ESR1: variants seen among roughly 807,000 people sequenced by gnomAD.
ESR1 encodes the protein estrogen receptor 1.
Under a neutral mutation model 52.7 loss-of-function variants are expected in ESR1, and 12 were observed. The ratio of observed to expected loss-of-function variants is 0.23; its 90% CI spans 0.15 to 0.37. The LOEUF (loss-of-function observed/expected upper bound fraction) is 0.37. ESR1 is among the 10% of genes least tolerant of loss of function. The pLI is 1.00. For synonymous variants in ESR1, 305 were observed against 316.8 expected (o/e 0.96, Z 0.39); for missense variants, 584 against 779.7 (o/e 0.75, Z 2.99).
upstream of ESR1, among the ~76,000 whole-genome samples, chr6:151,806,489 G>A (rs1263352430): frequency 7.3e-6 from 1 of 137,596 alleles, no homozygotes; most frequent in Non-Finnish European, 1.5e-5. Flanking sequence ...CAAGATTATA[G>A]ACGCATGATA....
chr6:151,751,583 G>T (rs9918437), intron 2 of ESR1, among the ~76,000 whole-genome samples: 13,950 of 152,150 alleles, frequency 0.092, 737 homozygotes, highest in African/African-American at 0.13. Flanking sequence ...AGAAATTTAG[G>T]GGGGAAAAAT....
chr6:152,111,803 C>T (rs923611374), intron 6 of ESR1, among the ~76,000 whole-genome samples: 3 of 152,096 alleles, frequency 2.0e-5, no homozygotes, highest in African/African-American at 7.2e-5. Context: ...AGGCGCAGAC[C>T]AGTTTTGGGG....
intron 5 of ESR1, among the ~76,000 whole-genome samples, chr6:152,012,231 G>A (rs553133943): frequency 6.6e-6 from 1 of 151,956 alleles, no homozygotes; most frequent in South Asian, 2.1e-4. Context: ...GTAAAATGAA[G>A]AAATTTGACC....
chr6:152,032,123 T>C (rs916937418), intron 5 of ESR1, among the ~76,000 whole-genome samples: 2 of 152,152 alleles, frequency 1.3e-5, no homozygotes, highest in Non-Finnish European at 2.9e-5. Flanking sequence ...ATAAATTAGG[T>C]ATTGATGGGA....
intron 4 of ESR1, among the ~76,000 whole-genome samples, chr6:151,990,742 G>A (rs2040929419): frequency 1.3e-5 from 2 of 152,096 alleles, no homozygotes; most frequent in Admixed American, 6.6e-5. Context: ...ACACAATAAC[G>A]AAATGACGTC....
chr6:151,955,564 A>G (rs990591114), intron 4 of ESR1, among the ~76,000 whole-genome samples: 2 of 152,218 alleles, frequency 1.3e-5, no homozygotes, highest in Non-Finnish European at 2.9e-5. Flanking sequence ...ACACATTGCA[A>G]GAAGATAAAT....
intron 2 of ESR1, among the ~76,000 whole-genome samples, chr6:151,745,581 C>T (rs1783422290): frequency 6.6e-6 from 1 of 152,050 alleles, no homozygotes; most frequent in Non-Finnish European, 1.5e-5. Flanking sequence ...AATAATCAAC[C>T]ATCCACCATC....
chr6:151,899,657 T>G (rs1403463771), intron 3 of ESR1, among the ~76,000 whole-genome samples: 8 of 141,130 alleles, frequency 5.7e-5, no homozygotes, highest in East Asian at 2.2e-4. Context: ...GCTGCCGGGC[T>G]GAGGGGCTCC....
At chr6:151,663,136 T>C (rs1777697284) in intron 1 of ESR1, among the ~76,000 whole-genome samples, 1 of 152,236 alleles carries the variant, frequency 6.6e-6, no homozygotes, top group Non-Finnish European at 1.5e-5. Flanking sequence ...TTCTTTTTGG[T>C]GATTATTTAA....
intron 2 of ESR1, among the ~76,000 whole-genome samples, chr6:151,754,959 C>T (rs1784169662): frequency 6.6e-6 from 1 of 152,194 alleles, no homozygotes; most frequent in South Asian, 2.1e-4. Context: ...CGCCTGTAAT[C>T]CCAGCACTTT....
At chr6:152,026,835 T>C (rs1032802015) in intron 5 of ESR1, among the ~76,000 whole-genome samples, 1 of 152,186 alleles carries the variant, frequency 6.6e-6, no homozygotes, top group Non-Finnish European at 1.5e-5. Context: ...TAACGCAGTG[T>C]TAAACTTTGT....
At chr6:151,722,996 A>T (rs1781569154) in intron 2 of ESR1, among the ~76,000 whole-genome samples, 2 of 152,194 alleles carry the variant, frequency 1.3e-5, no homozygotes, top group African/African-American at 4.8e-5. Context: ...TTGGAAGGGG[A>T]TAATGGTGTG....
intron 5 of ESR1, among the ~76,000 whole-genome samples, chr6:152,018,013 CAG>C (rs1337458868): frequency 6.6e-6 from 1 of 152,056 alleles, no homozygotes; most frequent in Admixed American, 6.5e-5. Flanking sequence ...AGCCTTTGGC[CAG>C]AGAGTTGTTG....
intron 1 of ESR1, among the ~76,000 whole-genome samples, chr6:151,691,481 C>T (rs1223745234): frequency 1.3e-5 from 2 of 152,128 alleles, no homozygotes; most frequent in South Asian, 2.1e-4. Flanking sequence ...CAAACAAGTC[C>T]GTAGGAGCCA....
intron 6 of ESR1, among the ~76,000 whole-genome samples, chr6:152,117,668 A>G (rs1346320966): frequency 6.6e-6 from 1 of 152,192 alleles, no homozygotes; most frequent in Non-Finnish European, 1.5e-5. Context: ...CCTGCTTCTC[A>G]TTAATCATTC....
At position 152,053,939 on chromosome 6, in the gene ESR1, C is replaced by T. The variant is rs1237987063; in HGVS notation, c.1236-7052C>T. On this transcript the variant is annotated intron_variant, in intron 5 of 7. Coordinates refer to ENST00000206249, the MANE Select transcript of ESR1 (RefSeq NM_000125.4). This position sits in a 1 kb window ranked among gnomAD's most constrained non-coding sequence, Gnocchi z 4.1. ...AATAATTGCACATTGTTTGTTGTAG[C>T]TGAAAATTACAAATAATATAAATGC... is the stretch of plus-strand genomic sequence containing the variant. Among the ~76,000 whole-genome samples the T allele has an allele frequency of 6.6e-6, 1 of 151,930 alleles. No homozygotes were observed. The highest frequency in any genetic ancestry group is 6.6e-5 in the Admixed American group (1 of 15,256).
downstream of ESR1, among the ~76,000 whole-genome samples, chr6:152,106,031 G>C (rs552741207): frequency 9.6e-4 from 143 of 149,434 alleles, 1 homozygote; most frequent in Non-Finnish European, 1.7e-3. Flanking sequence ...CTGACCTCAT[G>C]ATCCACCCGC....
rs546500984 is a variant in ESR1, at chr6:152,099,182, CT to C, written c.*219del. The C allele has an allele frequency of 2.1e-4, 128 of 595,396 alleles. 2 individuals are homozygous for C. In the African/African-American group the frequency reaches 2.2e-3, roughly 10 times the overall value. The allele number at this position is 595,396 out of a possible 1,614,324, so 36.9% of individuals were successfully genotyped here. On this transcript the variant is annotated 3_prime_UTR_variant, in exon 8 of 8. Transcript: ENST00000206249. ...AGCCAAAGGGATTCCAAGGCTAAAT[CT>C]TTGTAACAGCTCTCTTTCCCCCTTG...
chr6:151,996,849 C>A (rs1339295454), intron 4 of ESR1, among the ~76,000 whole-genome samples: 3 of 152,030 alleles, frequency 2.0e-5, no homozygotes, highest in African/African-American at 7.2e-5. Context: ...TCCATAAGTG[C>A]CACGCTTGGA....
Sources: allele counts gnomAD v4.1 joint callset (sites outside exome capture counted in the v4.1 genomes callset), GRCh38; gene constraint gnomAD v4.1.1; non-coding constraint Gnocchi (gnomAD v3.1); transcripts MANE v1.5; gene names NCBI Gene and HGNC (gene_info 2026-07-23, HGNC 2026-07-21).